Variants in PRKN observed in about 807,000 individuals in gnomAD.
The protein encoded by PRKN is E3 ubiquitin-protein ligase parkin.
A neutral mutation model predicts 59.5 loss-of-function variants in PRKN; 56 were observed. The observed-to-expected ratio is 0.94, with a 90% CI of 0.76 to 1.18. The LOEUF is 1.18. Among genes scored for constraint, PRKN ranks in the 50% most tolerant of loss-of-function variants. The pLI, the probability that PRKN is intolerant of heterozygous loss-of-function variation, is 0.00. For missense variants in PRKN, 657 were observed against 596.4 expected, an observed-to-expected ratio of 1.10 and a Z score of -1.06; for synonymous variants, 250 against 222.1, an observed-to-expected ratio of 1.13 and a Z score of -1.12.
chr6:161,753,021 C>T (rs749546155), intron 7 of PRKN, among the ~76,000 whole-genome samples: 7 of 152,098 alleles, frequency 4.6e-5, no homozygotes, highest in African/African-American at 1.4e-4. Context: ...GGTTATGGTG[C>T]GGTTAGAATC....
rs1261124218 is a variant in PRKN, at chr6:161,732,479, T to TGTGTGTG, written c.871+53292_871+53293insCACACAC. ...CAGCTTGCATTTCTTCAGAGGTTTTTTTTTTTTGTGTGTGTGTGTGTGTGG... is the reference window on the plus strand; with the variant it reads ...CAGCTTGCATTTCTTCAGAGGTTTTTGTGTGTGTTTTTTTGTGTGTGTGTGTGTGTGG... On this transcript the variant is annotated intron_variant, in intron 7 of 11. Coordinates refer to ENST00000366898, the MANE Select transcript of PRKN (RefSeq NM_004562.3). Among the ~76,000 whole-genome samples the TGTGTGTG allele has an allele frequency of 4.1e-3, 519 of 127,032 alleles. 2 individuals carry two copies. Among genetic ancestry groups the TGTGTGTG allele is most frequent in the African/African-American group, 0.025 (481 of 18,938 alleles). 83.3% of individuals were successfully genotyped at this position (127,032 alleles called of 152,430 possible).
intron 1 of PRKN, among the ~76,000 whole-genome samples, chr6:162,541,029 G>A (rs1376927477): frequency 2.0e-5 from 3 of 152,254 alleles, no homozygotes; most frequent in Admixed American, 6.5e-5. Context: ...AAGAGGTGAG[G>A]ATTCAGAAAT....
At chr6:162,051,972 T>C (rs1777663880) in intron 5 of PRKN, among the ~76,000 whole-genome samples, 1 of 152,128 alleles carries the variant, frequency 6.6e-6, no homozygotes, top group Non-Finnish European at 1.5e-5. Context: ...GACTGTGGTA[T>C]CCAAAGTGGG....
At chr6:162,181,400 G>C (rs915524140) in intron 4 of PRKN, among the ~76,000 whole-genome samples, 18 of 152,226 alleles carry the variant, frequency 1.2e-4, no homozygotes, top group Admixed American at 1.2e-3. Flanking sequence ...GAATAAGGAT[G>C]ATGGTCATAT....
At chr6:161,681,545 T>C (rs1318306168) in intron 7 of PRKN, among the ~76,000 whole-genome samples, 1 of 152,114 alleles carries the variant, frequency 6.6e-6, no homozygotes, top group Non-Finnish European at 1.5e-5. Context: ...TAAAATAGCA[T>C]CTGATTTCCT....
chr6:162,479,757 G>GT (rs749892002), intron 1 of PRKN, among the ~76,000 whole-genome samples: 20 of 148,602 alleles, frequency 1.3e-4, no homozygotes, highest in South Asian at 4.3e-4. Context: ...ACAGTTATCT[G>GT]TTTTTTTTTC....
chr6:161,527,266 C>T lies in PRKN; in HGVS notation c.1083+21588G>A, dbSNP rs951450271. ...CAGCTCAAAATATGCCAAAGAAGTA[C>T]ATTCTGGGGTGGCATGTTCTGGTCT... is the stretch of plus-strand genomic sequence containing the variant. On this transcript the variant is annotated intron_variant, in intron 9 of 11. Coordinates refer to ENST00000366898, the MANE Select transcript of PRKN (RefSeq NM_004562.3). The surrounding 1 kb of genome is among the most constrained non-coding windows in gnomAD (Gnocchi z 4.6). 5.3e-5 allele frequency among the ~76,000 whole-genome samples: 8 copies of T among 152,202 alleles called. No individual in the cohort carries two copies. The highest frequency in any genetic ancestry group is 8.8e-5 in the Non-Finnish European group (6 of 68,034).
chr6:161,988,307 T>TTTAGTA, intron 5 of PRKN, among the ~76,000 whole-genome samples: 1 of 152,070 alleles, frequency 6.6e-6, no homozygotes, highest in East Asian at 1.9e-4. Context: ...GCCAACGTGG[T>TTTAGTA]GAAAACCCGT....
At chr6:162,489,981 GT>G (rs1390832757) in intron 1 of PRKN, among the ~76,000 whole-genome samples, 1 of 152,166 alleles carries the variant, frequency 6.6e-6, no homozygotes, top group East Asian at 1.9e-4. Context: ...CTGGCATGAG[GT>G]CAGATGCAAA....
chr6:161,868,233 A>T (rs1424707729), intron 6 of PRKN, among the ~76,000 whole-genome samples: 1 of 151,528 alleles, frequency 6.6e-6, no homozygotes, highest in Non-Finnish European at 1.5e-5. Context: ...TATAGTATAC[A>T]CAATTATAAG....
At chr6:162,439,090 G>A (rs2128166013) in intron 2 of PRKN, among the ~76,000 whole-genome samples, 1 of 152,200 alleles carries the variant, frequency 6.6e-6, no homozygotes, top group South Asian at 2.1e-4. Flanking sequence ...ATCAGTGAGT[G>A]TTTTATTTCA....
At chr6:162,004,275 C>G (rs1346209797) in intron 5 of PRKN, among the ~76,000 whole-genome samples, 1 of 152,206 alleles carries the variant, frequency 6.6e-6, no homozygotes, top group Admixed American at 6.5e-5. Context: ...CGCTCTTGCT[C>G]CTGCTCCTGC....
intron 1 of PRKN, among the ~76,000 whole-genome samples, chr6:162,565,697 A>C (rs868443835): frequency 2.1e-4 from 31 of 148,790 alleles, no homozygotes; most frequent in Admixed American, 3.4e-4. Context: ...TCTCAAAATA[A>C]ATACATACAT....
At chr6:162,121,449 C>T (rs1456373915) in intron 4 of PRKN, among the ~76,000 whole-genome samples, 1 of 152,136 alleles carries the variant, frequency 6.6e-6, no homozygotes, top group Non-Finnish European at 1.5e-5. Flanking sequence ...ACTTGATGGG[C>T]CTCCTTGGGC....
chr6:162,427,654 C>CT (rs543234365), intron 2 of PRKN, among the ~76,000 whole-genome samples: 4,617 of 142,052 alleles, frequency 0.033, 284 homozygotes, highest in African/African-American at 0.11. Flanking sequence ...GTTTTTTTTT[C>CT]TTTTTTTTTT....
chr6:162,295,312 C>T (rs992903822), intron 2 of PRKN, among the ~76,000 whole-genome samples: 4 of 152,132 alleles, frequency 2.6e-5, no homozygotes, highest in African/African-American at 9.7e-5. Context: ...GTTATGTGTG[C>T]ACCATTTATA....
chr6:162,441,904 G>A lies in PRKN; in HGVS notation c.171+1406C>T, dbSNP rs1583578009. On this transcript the variant is annotated intron_variant, in intron 2 of 11. Transcript: ENST00000366898. Reference sequence around the variant, plus strand: ...CCTGAAGGTTTTGGCAATATAAAATGTTTTGATTCAAGGAGCTGTTTTAAA... The same window carrying A: ...CCTGAAGGTTTTGGCAATATAAAATATTTTGATTCAAGGAGCTGTTTTAAA... Among the ~76,000 whole-genome samples, 6 of 151,976 alleles carry A rather than the reference G, an allele frequency of 3.9e-5. No homozygotes were observed. The South Asian group carries it at 1.0e-3, about 26-fold the overall frequency.
At chr6:161,691,859 C>T (rs190158208) in intron 7 of PRKN, among the ~76,000 whole-genome samples, 1 of 151,198 alleles carries the variant, frequency 6.6e-6, no homozygotes, top group East Asian at 1.9e-4. Context: ...CGATGAAGAT[C>T]TTAAAGGCGT....
chr6:161,925,623 T>C (rs1778942031), intron 6 of PRKN, among the ~76,000 whole-genome samples: 1 of 152,200 alleles, frequency 6.6e-6, no homozygotes, highest in Admixed American at 6.5e-5. Context: ...AACTGATATC[T>C]AAAGGAAGAT....
Sources: gnomAD v4.1 joint callset for allele counts (sites outside exome capture counted in the v4.1 genomes callset) on GRCh38, gnomAD v4.1.1 for gene constraint, Gnocchi (gnomAD v3.1) non-coding constraint, MANE v1.5 for transcripts, NCBI Gene and HGNC (gene_info 2026-07-23, HGNC 2026-07-21) for gene names.